Variants in EBF1 observed in about 807,000 individuals in gnomAD.
EBF1 encodes the protein transcription factor COE1.
A neutral mutation model predicts 68.4 loss-of-function variants in EBF1; 10 were observed. The observed-to-expected ratio is 0.15, with a 90% confidence interval of 0.09 to 0.25. The LOEUF (loss-of-function observed/expected upper bound fraction) is 0.25. EBF1 is among the 10% of genes least tolerant of loss of function. The probability of loss-of-function intolerance (pLI) is 1.00; values close to 1 mark genes in which losing one functional copy is unlikely to be tolerated. For missense variants in EBF1, 509 were observed against 794.4 expected, an observed-to-expected ratio of 0.64 and a Z score of 4.32; for synonymous variants, 298 against 299.8, an observed-to-expected ratio of 0.99 and a Z score of 0.06.
At chr5:158,905,570 G>T (rs887126477) in intron 6 of EBF1, among the ~76,000 whole-genome samples, 1 of 152,084 alleles carries the variant, frequency 6.6e-6, no homozygotes, top group Non-Finnish European at 1.5e-5. Flanking sequence ...ACTGAAAAAT[G>T]GGCCCATAAA....
chr5:158,751,904 C>T (rs962545930), intron 10 of EBF1, among the ~76,000 whole-genome samples: 1 of 151,764 alleles, frequency 6.6e-6, no homozygotes, highest in African/African-American at 2.4e-5. Context: ...GAGCTTAAGT[C>T]GAGACTCAGG....
At chr5:158,719,558 C>T (rs1242237866) in intron 11 of EBF1, among the ~76,000 whole-genome samples, 3 of 152,122 alleles carry the variant, frequency 2.0e-5, no homozygotes, top group Non-Finnish European at 2.9e-5. Context: ...CTAATAAGCT[C>T]AAGTTCACTG....
intron 10 of EBF1, among the ~76,000 whole-genome samples, chr5:158,755,003 T>G (rs1252073485): frequency 6.6e-6 from 1 of 152,052 alleles, no homozygotes; most frequent in Non-Finnish European, 1.5e-5. Flanking sequence ...AGATAAGGTA[T>G]TAAGAGGACA....
At chr5:159,025,763 G>T (rs773615239) in intron 6 of EBF1, among the ~76,000 whole-genome samples, 28 of 152,320 alleles carry the variant, frequency 1.8e-4, no homozygotes, top group Non-Finnish European at 3.7e-4. Context: ...CAACAGGTCT[G>T]CCTGGATGTT....
At chr5:158,834,873 T>C (rs957625573) in intron 7 of EBF1, among the ~76,000 whole-genome samples, 1 of 152,242 alleles carries the variant, frequency 6.6e-6, no homozygotes, top group African/African-American at 2.4e-5. Flanking sequence ...GCAGCGGCAG[T>C]GACCACTGCA....
chr5:158,785,744 C>G (rs895817244), intron 9 of EBF1, among the ~76,000 whole-genome samples: 1 of 152,146 alleles, frequency 6.6e-6, no homozygotes, highest in African/African-American at 2.4e-5. Context: ...AAATTAAAGT[C>G]TCAGGAATTG....
chr5:158,914,924 A>C (rs1183049303), intron 6 of EBF1, among the ~76,000 whole-genome samples: 2 of 152,224 alleles, frequency 1.3e-5, no homozygotes, highest in Non-Finnish European at 2.9e-5. Flanking sequence ...AATTTCCTGA[A>C]ATATTACTGA....
At chr5:158,761,640 A>G (rs1306435692) in intron 10 of EBF1, among the ~76,000 whole-genome samples, 2 of 152,242 alleles carry the variant, frequency 1.3e-5, no homozygotes, top group East Asian at 1.9e-4. Context: ...AAATAAAGTA[A>G]AATCATTTGA....
At chr5:159,059,831 T>A (rs1209314402) in intron 6 of EBF1, among the ~76,000 whole-genome samples, 1 of 152,106 alleles carries the variant, frequency 6.6e-6, no homozygotes, top group Non-Finnish European at 1.5e-5. Context: ...TAGAAACAGG[T>A]GCAGAGAAGA....
At chr5:158,953,204 C>T (rs1301547862) in intron 6 of EBF1, among the ~76,000 whole-genome samples, 1 of 152,228 alleles carries the variant, frequency 6.6e-6, no homozygotes, top group African/African-American at 2.4e-5. Flanking sequence ...CCCTTGCATC[C>T]ATCACAAATT....
rs186516602 is a variant in EBF1, at chr5:158,785,336, G to A, written c.910-7797C>T. On this transcript the variant is annotated intron_variant, in intron 9 of 15. Transcript: ENST00000313708. ...ATATATTATTTTCAGGGTTGCTAAAGGAAGCTGAAATATGAAAAGTATATA... is the reference window on the plus strand; with the variant it reads ...ATATATTATTTTCAGGGTTGCTAAAAGAAGCTGAAATATGAAAAGTATATA... 2.6e-3 allele frequency among the ~76,000 whole-genome samples: 392 copies of A among 152,294 alleles called. 3 individuals carry two copies. The highest frequency in any genetic ancestry group is 6.8e-3 in the Middle Eastern group (2 of 294).
intron 8 of EBF1, among the ~76,000 whole-genome samples, chr5:158,804,991 A>T (rs908653511): frequency 2.0e-5 from 3 of 152,130 alleles, no homozygotes; most frequent in Non-Finnish European, 4.4e-5. Context: ...CGTGCCTCTG[A>T]TTATACAATA....
chr5:158,769,358 T>C (rs1371264665), intron 10 of EBF1, among the ~76,000 whole-genome samples: 2 of 152,128 alleles, frequency 1.3e-5, no homozygotes, highest in Non-Finnish European at 2.9e-5. Context: ...AGGTTGTATA[T>C]AAGGCCTCGT....
At chr5:159,081,371 TA>T (rs1479339561) in intron 5 of EBF1, among the ~76,000 whole-genome samples, 1 of 152,248 alleles carries the variant, frequency 6.6e-6, no homozygotes, top group African/African-American at 2.4e-5. Flanking sequence ...GTCTAATTTA[TA>T]AATTAAACAT....
intron 6 of EBF1, among the ~76,000 whole-genome samples, chr5:158,925,744 TTC>T (rs1304819148): frequency 1.3e-5 from 2 of 152,250 alleles, no homozygotes; most frequent in Non-Finnish European, 2.9e-5. Flanking sequence ...ATAAGCAAGC[TTC>T]TGTTACTTAA....
intron 6 of EBF1, among the ~76,000 whole-genome samples, chr5:158,998,989 G>A (rs1761990774): frequency 6.6e-6 from 1 of 152,018 alleles, no homozygotes; most frequent in Non-Finnish European, 1.5e-5. Flanking sequence ...TGTCATGGAA[G>A]CTTCAAAGGT....
At chr5:158,786,141 T>TA (rs1777394925) in intron 9 of EBF1, among the ~76,000 whole-genome samples, 1 of 152,026 alleles carries the variant, frequency 6.6e-6, no homozygotes, top group African/African-American at 2.4e-5. Flanking sequence ...TTCTTTTTAC[T>TA]AAAAAATTCC....
chr5:158,905,581 TG>T (rs1374973713), intron 6 of EBF1, among the ~76,000 whole-genome samples: 1 of 152,200 alleles, frequency 6.6e-6, no homozygotes, highest in Non-Finnish European at 1.5e-5. Context: ...GGCCCATAAA[TG>T]CATATTACCT....
rs534059607 is a variant in EBF1, at chr5:158,918,577, T to C, written c.555-78467A>G. On this transcript the variant is annotated intron_variant, in intron 6 of 15. Transcript: ENST00000313708. ...AGACTGAGAAACTGAGATTTAATAA[T>C]TTACTGATCCCTCAGTGGAACACTG... Among the ~76,000 whole-genome samples the C allele has an allele frequency of 2.0e-5, 3 of 152,328 alleles. No individual in the cohort carries two copies. The South Asian group carries it at 6.2e-4, about 32-fold the overall frequency.
Sources: allele counts gnomAD v4.1 joint callset (sites outside exome capture counted in the v4.1 genomes callset), GRCh38; gene constraint gnomAD v4.1.1; transcripts MANE v1.5; gene names NCBI Gene and HGNC (gene_info 2026-07-23, HGNC 2026-07-21).